WDR4: variants seen among roughly 807,000 people sequenced by gnomAD.
WDR4 encodes the protein WDR4 tRNA N7-guanosine methyltransferase non-catalytic subunit.
Under a neutral mutation model 48.6 loss-of-function variants are expected in WDR4, and 47 were observed. That is an observed-to-expected ratio of 0.97 (90% CI 0.77 to 1.23). The LOEUF (loss-of-function observed/expected upper bound fraction) is 1.23. Among genes scored for constraint, WDR4 ranks in the 50% most tolerant of loss-of-function variants. The pLI is 0.00. For missense variants in WDR4, 606 were observed against 551.6 expected (o/e 1.10, Z -0.99); for synonymous variants, 268 against 230.0 (o/e 1.17, Z -1.49).
rs138295040 is a variant in WDR4, at chr21:42,879,463, C to G, written c.33G>C (p.Gly11=). 84 of 1,613,686 alleles carry G rather than the reference C, an allele frequency of 5.2e-5. No homozygotes were observed. In the African/African-American group the frequency reaches 1.0e-3, roughly 20 times the overall value. ...TGCCGCCCCGCACCACCAACGTCTG[C>G]CCGCACAACGCCAGTCCCACAGAGC... is the stretch of plus-strand genomic sequence containing the variant. MAGSVGLALC[G]QTLVVRGGSR... The change falls in exon 1 of 11, where the codon GGG becomes GGC. Residue 11 remains glycine, a synonymous_variant. Transcript: ENST00000398208.
rs906116699 is a variant in WDR4, at chr21:42,858,208, G to C, written c.627+1454C>G. Among the ~76,000 whole-genome samples the C allele has an allele frequency of 3.3e-5, 5 of 152,324 alleles. No homozygotes were observed. The South Asian group carries it at 1.0e-3, about 32-fold the overall frequency. On this transcript the variant is annotated intron_variant, in intron 6 of 10. Coordinates refer to ENST00000398208, the MANE Select transcript of WDR4 (RefSeq NM_018669.6). ...ATCATGTAAGAAAATGCCCCAGGTC[G>C]GAGGACACTGAAAATCACTGGCTGT...
In WDR4 at chr21:42,862,455, C is replaced by T. The variant is rs978797162; in HGVS notation, c.454-61G>A. The T allele has an allele frequency of 2.7e-6, 4 of 1,474,294 alleles. No homozygotes were observed. In the South Asian group the frequency reaches 3.6e-5, roughly 13 times the overall value. 91.3% of individuals were successfully genotyped at this position (1,474,294 alleles called of 1,614,324 possible). A position where few individuals can be genotyped will look rare whatever the true frequency, so the allele number is the denominator to read the frequency against. On this transcript the variant is annotated intron_variant, in intron 4 of 10. Coordinates refer to ENST00000398208, the MANE Select transcript of WDR4 (RefSeq NM_018669.6). This position sits in a 1 kb window ranked among gnomAD's most constrained non-coding sequence, Gnocchi z 4.3. ...CACCTGAGTCTTCCCGAATCAAGTC[C>T]CTCATGGAAGAAGGCAGGGAAGCTG...
chr21:42,851,421 C>T (rs1379719781), intron 10 of WDR4, among the ~76,000 whole-genome samples: 2 of 152,186 alleles, frequency 1.3e-5, no homozygotes, highest in East Asian at 3.9e-4. Context: ...GCGGCTGGGC[C>T]CCAATCAGCG....
At position 42,862,286 on chromosome 21, in the gene WDR4, T is replaced by C. The variant is rs2058135455; in HGVS notation, c.562A>G (p.Thr188Ala). The change falls in exon 5 of 11, where the codon ACA becomes GCA. Residue 188 changes from threonine to alanine, a missense_variant. Coordinates refer to ENST00000398208, the MANE Select transcript of WDR4 (RefSeq NM_018669.6). This position sits in a 1 kb window ranked among gnomAD's most constrained non-coding sequence, Gnocchi z 4.3. ...GGGGCAGGAAGGGGCACTCACTCTG[T>C]GTGCCCCAAGCAGAAGGACTCGATG... ...HSIESFCLGH[T>A]EFVSRISVVP... 1 of 1,604,886 alleles carries C rather than the reference T, an allele frequency of 6.2e-7. No homozygotes were observed. The highest frequency in any genetic ancestry group is 1.3e-5 in the African/African-American group (1 of 74,908).
At chr21:42,870,446 T>C (rs1028136949) in intron 3 of WDR4, among the ~76,000 whole-genome samples, 5 of 152,116 alleles carry the variant, frequency 3.3e-5, no homozygotes, top group African/African-American at 1.2e-4. Flanking sequence ...AAGCGGCTCT[T>C]GTGCACTATG....
At position 42,874,898 on chromosome 21, in the gene WDR4, G is replaced by A. The variant is rs1427132616; in HGVS notation, c.156-1207C>T. The stretch of plus-strand genomic sequence containing the variant: ...GATATTCTATTACCTTGTGAAGCAT[G>A]TGATCTCTGTGACCCACACCTATTC... On this transcript the variant is annotated intron_variant, in intron 2 of 10. Transcript: ENST00000398208. Among the ~76,000 whole-genome samples the A allele has an allele frequency of 5.3e-5, 8 of 152,156 alleles. No homozygotes were observed. The East Asian group carries it at 9.6e-4, about 18-fold the overall frequency.
chr21:42,855,704 A>G lies in WDR4; in HGVS notation c.704T>C (p.Leu235Pro), dbSNP rs139351243. ...TACCTGGGGGGCCTGGGGGTCCACC[A>G]GCTCCTGCAGACTGGCCAGGTGACA... is the stretch of plus-strand genomic sequence containing the variant. Reference protein sequence around the residue: ...HCCHLASLQELVDPQAPQKFA... With the variant: ...HCCHLASLQEPVDPQAPQKFA... The change falls in exon 7 of 11, where the codon CTG becomes CCG. Residue 235 changes from leucine (L) to proline (P), a missense_variant. Transcript: ENST00000398208. 368 of 1,554,062 alleles carry G rather than the reference A, an allele frequency of 2.4e-4. 2 individuals carry two copies. The African/African-American group carries it at 4.4e-3, about 18-fold the overall frequency.
intron 1 of WDR4, chr21:42,878,977 CCCCT>C: frequency 1.0e-6 from 1 of 998,520 alleles, no homozygotes; most frequent in Non-Finnish European, 1.2e-6. Flanking sequence ...AGTGAGTAAG[CCCCT>C]CCCTTCTCAC....
At position 42,852,289 on chromosome 21, in the gene WDR4, A is replaced by G. The variant is rs1159052916; in HGVS notation, c.1011T>C (p.Ser337=). 2.5e-6 allele frequency: 4 copies of G among 1,614,088 alleles called. No homozygotes were observed. Among genetic ancestry groups the G allele is most frequent in the South Asian group, 1.1e-5 (1 of 91,074 alleles). ...TGGCCCAGTTCCCACGAAGAACACC[A>G]GAGACTTTCTTTAACACGGTGCTCT... ...VPESTVLKKV[S]GVLRGNWAML... is the part of the protein sequence containing the mutation. The change falls in exon 10 of 11, where the codon TCT becomes TCC. Residue 337 remains serine, a synonymous_variant. Transcript: ENST00000398208.
At position 42,854,615 on chromosome 21, in the gene WDR4, C is replaced by A. The variant is rs367663245; in HGVS notation, c.738G>T (p.Ala246=). 1 of 1,613,650 alleles carries A rather than the reference C, an allele frequency of 6.2e-7. No homozygotes were observed. Among genetic ancestry groups the A allele is most frequent in the Admixed American group, 1.7e-5 (1 of 59,916 alleles). Reference sequence around the variant, plus strand: ...CCTGGCACCAGAATGCAATCCTGGACGCGGCAAACTTCTAAAAGGAGAAGA... The same window carrying A: ...CCTGGCACCAGAATGCAATCCTGGAAGCGGCAAACTTCTAAAAGGAGAAGA... ...VDPQAPQKFA[A]SRIAFWCQEN... Residue 246 remains alanine (A), a synonymous_variant, in exon 8 of 11, where the codon GCG becomes GCT. Transcript: ENST00000398208.
At chr21:42,877,387 G>A (rs1281106928) in intron 1 of WDR4, among the ~76,000 whole-genome samples, 1 of 145,848 alleles carries the variant, frequency 6.9e-6, no homozygotes, top group Non-Finnish European at 1.5e-5. Context: ...CAGATGATCT[G>A]CCCGCCTCAG....
chr21:42,879,825 C>G (rs1014026669), upstream of WDR4: 3 of 412,548 alleles, frequency 7.3e-6, no homozygotes, highest in East Asian at 7.0e-5. Context: ...TCCGCGGTAG[C>G]TGGAGAGACG....
chr21:42,879,520 C>T lies in WDR4; in HGVS notation c.-25G>A, dbSNP rs747978563. ...TGTACCCGCCCGCCTCACCGCCATA[C>T]ACATGTGCCAGCCCAGAGCCTCTTC... On this transcript the variant is annotated 5_prime_UTR_variant, in exon 1 of 11. Coordinates refer to ENST00000398208, the MANE Select transcript of WDR4 (RefSeq NM_018669.6). The T allele has an allele frequency of 2.0e-5, 32 of 1,611,880 alleles. No homozygotes were observed. Among genetic ancestry groups the T allele is most frequent in the Admixed American group, 3.3e-5 (2 of 59,946 alleles).
At chr21:42,874,632 G>C (rs1441403289) in intron 2 of WDR4, among the ~76,000 whole-genome samples, 3 of 152,000 alleles carry the variant, frequency 2.0e-5, no homozygotes, top group African/African-American at 7.3e-5. Context: ...GCCCCCTTGG[G>C]TGTGGCCATC....
intron 9 of WDR4, 80 bp from the exon 10 acceptor site, chr21:42,852,404 CAG>C (rs1263508355): frequency 2.0e-6 from 3 of 1,505,746 alleles, no homozygotes; most frequent in South Asian, 2.4e-5. Flanking sequence ...ACATGCTGGC[CAG>C]AGAGGCTTGC....
chr21:42,847,870 A>G (rs1443153068), downstream of WDR4, among the ~76,000 whole-genome samples: 1 of 152,126 alleles, frequency 6.6e-6, no homozygotes, highest in Non-Finnish European at 1.5e-5. Context: ...ACCAACCTGA[A>G]CCTCTCCTAA....
intron 3 of WDR4, among the ~76,000 whole-genome samples, chr21:42,866,589 G>A (rs1030095667): frequency 2.0e-5 from 3 of 152,156 alleles, no homozygotes; most frequent in African/African-American, 7.2e-5. Context: ...CAGCCCCCAT[G>A]TTTGCGGACC....
At chr21:42,859,340 C>A (rs967114027) in intron 6 of WDR4, among the ~76,000 whole-genome samples, 1 of 152,164 alleles carries the variant, frequency 6.6e-6, no homozygotes, top group African/African-American at 2.4e-5. Context: ...GTCAGAGAAG[C>A]CCCCGTCTAC....
Position 42,850,208 on chromosome 21 carries a change from G to A in WDR4, c.1080C>T (p.Leu360=). 6.2e-7 allele frequency: 1 copy of A among 1,609,350 alleles called. No homozygotes were observed. The highest frequency in any genetic ancestry group is 8.5e-7 in the Non-Finnish European group (1 of 1,177,688). ...TCACGTTGTCGAACGTGGCCTTGTA[G>A]AGACTGCTGAAGCTGGCGTCTGCGC... ...SAGADASFSS[L]YKATFDNVTS... is the part of the protein sequence containing the mutation. Residue 360 remains leucine (L), a synonymous_variant, in exon 11 of 11, where the codon CTC becomes CTT. Coordinates refer to ENST00000398208, the MANE Select transcript of WDR4 (RefSeq NM_018669.6).
Sources: gnomAD v4.1 joint callset for allele counts (sites outside exome capture counted in the v4.1 genomes callset) on GRCh38, gnomAD v4.1.1 for gene constraint, Gnocchi (gnomAD v3.1) non-coding constraint, MANE v1.5 for transcripts, NCBI Gene and HGNC (gene_info 2026-07-23, HGNC 2026-07-21) for gene names.